The following JAM3 variants were observed in gnomAD, a reference collection of about 807,000 sequenced individuals.
The protein encoded by JAM3 is junctional adhesion molecule C.
A neutral mutation model predicts 39.4 loss-of-function variants in JAM3; 31 were observed. That is an observed-to-expected ratio of 0.79 (90% CI 0.59 to 1.06). The LOEUF is 1.06. Ranked by LOEUF, JAM3 falls within the 50% of genes least tolerant of loss-of-function variation. The pLI, the probability that JAM3 is intolerant of heterozygous loss-of-function variation, is 0.00. For synonymous variants in JAM3, 182 were observed against 148.7 expected (o/e 1.22, Z -1.63); for missense variants, 455 against 391.4 (o/e 1.16, Z -1.37).
At chr11:134,105,289 G>C (rs934856493) in intron 1 of JAM3, among the ~76,000 whole-genome samples, 1 of 152,160 alleles carries the variant, frequency 6.6e-6, no homozygotes, top group African/African-American at 2.4e-5. Context: ...AAAGGCCTTT[G>C]ACAAAATTCA....
intron 1 of JAM3, among the ~76,000 whole-genome samples, chr11:134,123,386 C>T (rs1258752094): frequency 6.6e-6 from 1 of 151,996 alleles, no homozygotes; most frequent in African/African-American, 2.4e-5. Context: ...CACCCCCCCC[C>T]CCCCAAAAAA....
chr11:134,124,852 C>CA (rs1209742951), intron 1 of JAM3, among the ~76,000 whole-genome samples: 1 of 152,250 alleles, frequency 6.6e-6, no homozygotes, highest in African/African-American at 2.4e-5. Flanking sequence ...AGTCTGCCCT[C>CA]ACACTCAGAA....
intron 1 of JAM3, among the ~76,000 whole-genome samples, chr11:134,110,843 T>C (rs1348873395): frequency 1.3e-5 from 2 of 152,182 alleles, no homozygotes; most frequent in African/African-American, 2.4e-5. Context: ...GCACTTTATA[T>C]GTCAATTATA....
At chr11:134,134,398 C>CAAAAAAAAAAAAAAAAAAAAAACA (rs1942823336) in intron 1 of JAM3, among the ~76,000 whole-genome samples, 1 of 31,922 alleles carries the variant, frequency 3.1e-5, no homozygotes, top group Non-Finnish European at 5.5e-5. Flanking sequence ...GGATAAATGC[C>CAAAAAAAAAAAAAAAAAAAAAACA]AAAAAAAAAA....
chr11:134,096,739 T>C (rs1941991898), intron 1 of JAM3, among the ~76,000 whole-genome samples: 1 of 152,178 alleles, frequency 6.6e-6, no homozygotes, highest in Admixed American at 6.5e-5. Flanking sequence ...CTTTGTTGTA[T>C]TGGGGTGTGT....
At chr11:134,082,733 C>T (rs772442551) in intron 1 of JAM3, among the ~76,000 whole-genome samples, 1 of 152,004 alleles carries the variant, frequency 6.6e-6, no homozygotes, top group Non-Finnish European at 1.5e-5. Context: ...ATCAGCAGCA[C>T]GAAAATGGAC....
intron 1 of JAM3, among the ~76,000 whole-genome samples, chr11:134,131,640 CTATT>C (rs998967258): frequency 1.3e-5 from 2 of 152,118 alleles, no homozygotes; most frequent in African/African-American, 4.8e-5. Context: ...TAGCCAAAGA[CTATT>C]TGTTTAAAAT....
chr11:134,096,138 G>A (rs1287899351), intron 1 of JAM3, among the ~76,000 whole-genome samples: 1 of 152,012 alleles, frequency 6.6e-6, no homozygotes, highest in East Asian at 1.9e-4. Context: ...CACTACACCT[G>A]CCTGAGTTTT....
chr11:134,102,287 A>C (rs1942089744), intron 1 of JAM3, among the ~76,000 whole-genome samples: 1 of 152,184 alleles, frequency 6.6e-6, no homozygotes, highest in Admixed American at 6.6e-5. Flanking sequence ...ACTCCAACAG[A>C]CTTGCAGCTG....
At chr11:134,112,989 G>T (rs1012475280) in intron 1 of JAM3, among the ~76,000 whole-genome samples, 1 of 152,178 alleles carries the variant, frequency 6.6e-6, no homozygotes, top group Non-Finnish European at 1.5e-5. Context: ...ACCCAGCAAG[G>T]TCATCAACAG....
chr11:134,148,648 TTCA>T lies in JAM3; in HGVS notation c.818_820del (p.Ile273del), dbSNP rs1458168170. 9.3e-6 allele frequency: 15 copies of T among 1,614,164 alleles called. No homozygotes were observed. Among genetic ancestry groups the T allele is most frequent in the South Asian group, 5.5e-5 (5 of 91,076 alleles). ...CTGCTGTGCATACAGACGTGGCTAC[TTCA>T]TCAACAATAAACAGGATGGAGAAAG... On this transcript the variant is annotated inframe_deletion, in exon 7 of 9. Coordinates refer to ENST00000299106, the MANE Select transcript of JAM3 (RefSeq NM_032801.5).
intron 2 of JAM3, 68 bp downstream of exon 2, chr11:134,139,984 C>A (rs1942945382): frequency 8.3e-7 from 1 of 1,199,028 alleles, no homozygotes; most frequent in African/African-American, 1.5e-5. Context: ...TTGCAGCCAA[C>A]TCAGGACACA....
chr11:134,093,657 G>C (rs1318585671), intron 1 of JAM3, among the ~76,000 whole-genome samples: 4 of 106,752 alleles, frequency 3.7e-5, no homozygotes, highest in Non-Finnish European at 7.6e-5. Context: ...ACTTCCTGAG[G>C]GAAGCTTCTC....
chr11:134,069,492 GCGGTGGGCT>G (rs1941452322), intron 1 of JAM3, among the ~76,000 whole-genome samples: 1 of 151,622 alleles, frequency 6.6e-6, no homozygotes, highest in Non-Finnish European at 1.5e-5. Context: ...CCTGTGCTGG[GCGGTGGGCT>G]CATCCCCCGG....
At chr11:134,091,448 G>A (rs1565484945) in intron 1 of JAM3, among the ~76,000 whole-genome samples, 1 of 152,144 alleles carries the variant, frequency 6.6e-6, no homozygotes, top group African/African-American at 2.4e-5. Flanking sequence ...GCAGTGAGCC[G>A]AGATCGTCCC....
chr11:134,104,880 A>C (rs950302542), intron 1 of JAM3, among the ~76,000 whole-genome samples: 2 of 152,188 alleles, frequency 1.3e-5, no homozygotes, highest in Non-Finnish European at 2.9e-5. Context: ...ACCAACCAAA[A>C]AAAAGCCCAG....
intron 1 of JAM3, among the ~76,000 whole-genome samples, chr11:134,121,855 T>A (rs1356667898): frequency 3.6e-5 from 5 of 140,710 alleles, no homozygotes; most frequent in East Asian, 2.0e-4. Flanking sequence ...ACACACACCC[T>A]CCTCCCAAAC....
intron 3 of JAM3, among the ~76,000 whole-genome samples, chr11:134,141,799 T>C (rs1174063609): frequency 6.6e-6 from 1 of 152,012 alleles, no homozygotes; most frequent in East Asian, 1.9e-4. Flanking sequence ...GAGAGGAGGA[T>C]GGCATCCTTT....
Position 134,149,916 on chromosome 11 carries a change from T to C in JAM3, c.*735T>C. Reference sequence around the variant, plus strand: ...TTTTCTATGGGTCTTGTTTATTTTATAAAATTTTACATCTAAATTTTTGCT... The same window carrying C: ...TTTTCTATGGGTCTTGTTTATTTTACAAAATTTTACATCTAAATTTTTGCT... On this transcript the variant is annotated 3_prime_UTR_variant, in exon 9 of 9. Transcript: ENST00000299106. 1 of 174,608 alleles carries C rather than the reference T, an allele frequency of 5.7e-6. No individual in the cohort carries two copies. The highest frequency in any genetic ancestry group is 1.2e-5 in the Non-Finnish European group (1 of 81,366). The allele number at this position is 174,608 out of a possible 1,614,324, so 10.8% of individuals were successfully genotyped here. A position where few individuals can be genotyped will look rare whatever the true frequency, so the allele number is the denominator to read the frequency against.
Sources: allele counts gnomAD v4.1 joint callset (sites outside exome capture counted in the v4.1 genomes callset), GRCh38; gene constraint gnomAD v4.1.1; transcripts MANE v1.5; gene names NCBI Gene and HGNC (gene_info 2026-07-23, HGNC 2026-07-21).